CCDC148: variants seen among roughly 807,000 people sequenced by gnomAD.
CCDC148 encodes the protein coiled-coil domain-containing protein 148.
CCDC148 carries 89 observed loss-of-function variants against 85.7 expected under a neutral mutation model. The ratio of observed to expected loss-of-function variants is 1.04; its 90% CI spans 0.87 to 1.24. CCDC148 has a LOEUF of 1.24. CCDC148 is among the 50% of genes most tolerant of loss of function. The pLI, the probability that CCDC148 is intolerant of heterozygous loss-of-function variation, is 0.00. For synonymous variants in CCDC148, 230 were observed against 213.9 expected (o/e 1.08, Z -0.66); for missense variants, 692 against 671.7 (o/e 1.03, Z -0.33).
At chr2:158,231,891 T>C (rs1687873733) in intron 10 of CCDC148, among the ~76,000 whole-genome samples, 1 of 152,194 alleles carries the variant, frequency 6.6e-6, no homozygotes, top group South Asian at 2.1e-4. Context: ...TGTTCATCCA[T>C]TAATTCATCC....
chr2:158,280,367 G>C (rs1690216990), intron 9 of CCDC148, among the ~76,000 whole-genome samples: 1 of 152,112 alleles, frequency 6.6e-6, no homozygotes, highest in Non-Finnish European at 1.5e-5. Context: ...TCAGTGTGTT[G>C]TATTCAGGAA....
chr2:158,182,767 G>C (rs1289134871), intron 11 of CCDC148, among the ~76,000 whole-genome samples: 3 of 152,092 alleles, frequency 2.0e-5, no homozygotes, highest in Non-Finnish European at 4.4e-5. Context: ...TAAAAAAGGA[G>C]AAACTCTTGG....
chr2:158,207,534 A>T (rs1407604286), intron 11 of CCDC148: 1 of 152,176 alleles, frequency 6.6e-6, no homozygotes, highest in East Asian at 1.9e-4. Flanking sequence ...GGAGGACAAC[A>T]ATGGTTACAT....
chr2:158,184,954 C>G (rs1685084228), intron 11 of CCDC148, among the ~76,000 whole-genome samples: 1 of 152,156 alleles, frequency 6.6e-6, no homozygotes, highest in Non-Finnish European at 1.5e-5. Context: ...ACTTTGAGAA[C>G]TACAGCATAG....
At chr2:158,387,430 G>A (rs1034499767) in intron 1 of CCDC148, among the ~76,000 whole-genome samples, 6 of 151,926 alleles carry the variant, frequency 3.9e-5, no homozygotes, top group South Asian at 2.1e-4. Flanking sequence ...TCCAGCTGCC[G>A]TTAACTTTTT....
chr2:158,456,369 GA>G (rs1375504813), intron 1 of CCDC148, 45 bp downstream of exon 1: 3 of 1,593,186 alleles, frequency 1.9e-6, no homozygotes, highest in East Asian at 4.5e-5. Context: ...GTGGCTCAGT[GA>G]CGTCAGGAGG....
At chr2:158,446,069 C>T (rs553965436) in intron 1 of CCDC148, among the ~76,000 whole-genome samples, 2 of 152,254 alleles carry the variant, frequency 1.3e-5, no homozygotes, top group Admixed American at 6.5e-5. Flanking sequence ...ATTCCAGGGC[C>T]GGGGGCTATG....
intron 1 of CCDC148, among the ~76,000 whole-genome samples, chr2:158,413,164 A>T (rs961293521): frequency 7.9e-5 from 12 of 152,172 alleles, no homozygotes; most frequent in Non-Finnish European, 2.9e-5. Flanking sequence ...TAAAGTATTA[A>T]GAAATTGTAA....
rs1690253163 is a variant in CCDC148 at position 158,280,886 on chromosome 2, T to C, written c.1110+28547A>G. Among the ~76,000 whole-genome samples the C allele has an allele frequency of 7.2e-5, 11 of 152,226 alleles. No homozygotes were observed. In the South Asian group the frequency reaches 2.3e-3, roughly 32 times the overall value. ...GACCACATAGTTGGAAGTAAAGCTC[T>C]CCTCAGCAAATGTAAAAGAACAGAA... On this transcript the variant is annotated intron_variant, in intron 9 of 13. Transcript: ENST00000283233.
At chr2:158,234,187 A>G (rs1220651968) in intron 10 of CCDC148, among the ~76,000 whole-genome samples, 1 of 152,056 alleles carries the variant, frequency 6.6e-6, no homozygotes, top group Non-Finnish European at 1.5e-5. Flanking sequence ...AAAAAAAAAA[A>G]TTGACTTCAA....
At chr2:158,399,810 G>A (rs12233179) in intron 1 of CCDC148, among the ~76,000 whole-genome samples, 7 of 151,904 alleles carry the variant, frequency 4.6e-5, no homozygotes, top group South Asian at 2.1e-4. Context: ...AAGGGTATTC[G>A]ATTAGGAAAA....
chr2:158,339,652 G>A (rs1682570592), intron 5 of CCDC148, among the ~76,000 whole-genome samples: 1 of 152,158 alleles, frequency 6.6e-6, no homozygotes, highest in African/African-American at 2.4e-5. Flanking sequence ...GTGATAGGGA[G>A]TGACTGTGGC....
At chr2:158,308,386 T>C (rs1691799291) in intron 9 of CCDC148, among the ~76,000 whole-genome samples, 1 of 152,250 alleles carries the variant, frequency 6.6e-6, no homozygotes, top group African/African-American at 2.4e-5. Flanking sequence ...GTATTAGCCC[T>C]GCAGCCCATG....
chr2:158,195,998 G>T (rs112603366), intron 11 of CCDC148, among the ~76,000 whole-genome samples: 122 of 152,154 alleles, frequency 8.0e-4, no homozygotes, highest in African/African-American at 2.8e-3. Flanking sequence ...GCTCCTCATG[G>T]GACTTACTCA....
intron 9 of CCDC148, among the ~76,000 whole-genome samples, chr2:158,268,564 T>C (rs567098363): frequency 5.9e-5 from 9 of 152,286 alleles, no homozygotes; most frequent in African/African-American, 2.2e-4. Flanking sequence ...AACACATTTA[T>C]CACCTCACCT....
At chr2:158,438,169 C>A in intron 1 of CCDC148, among the ~76,000 whole-genome samples, 1 of 152,164 alleles carries the variant, frequency 6.6e-6, no homozygotes, top group Non-Finnish European at 1.5e-5. Context: ...GTTGCCAAGA[C>A]AATCCTAAGC....
Position 158,379,862 on chromosome 2 carries a change from C to T in CCDC148, c.26-21292G>A, listed in dbSNP as rs117396855. On this transcript the variant is annotated intron_variant, in intron 1 of 13. Coordinates refer to ENST00000283233, the MANE Select transcript of CCDC148 (RefSeq NM_138803.4). ...CATAACTTTTACAGGCACTGGAAAA[C>T]CAAGATTCATGCCACTTTCTTTATT... 2.0e-5 allele frequency among the ~76,000 whole-genome samples: 3 copies of T among 152,166 alleles called. 1 individual carries two copies. Among genetic ancestry groups the T allele is most frequent in the South Asian group, 4.1e-4 (2 of 4,824 alleles).
At chr2:158,239,570 A>AAG (rs1688262256) in intron 10 of CCDC148, among the ~76,000 whole-genome samples, 3 of 152,034 alleles carry the variant, frequency 2.0e-5, no homozygotes, top group Non-Finnish European at 4.4e-5. Context: ...AGGTTAATTT[A>AAG]ATTTAAATTA....
chr2:158,340,525 C>A, intron 4 of CCDC148, 73 bp downstream of exon 4: 1 of 1,384,468 alleles, frequency 7.2e-7, no homozygotes, highest in Non-Finnish European at 9.9e-7. Context: ...ATTAAAAGAA[C>A]ATGAAGTGAG....
Sources: allele counts gnomAD v4.1 joint callset (sites outside exome capture counted in the v4.1 genomes callset), GRCh38; gene constraint gnomAD v4.1.1; transcripts MANE v1.5; gene names NCBI Gene and HGNC (gene_info 2026-07-23, HGNC 2026-07-21).